The following GABRB3 variants were observed in gnomAD, a reference collection of about 807,000 sequenced individuals.
The protein encoded by GABRB3 is gamma-aminobutyric acid type A receptor subunit beta3.
A neutral mutation model predicts 52.1 loss-of-function variants in GABRB3; 14 were observed. The observed-to-expected ratio is 0.27, with a 90% CI of 0.18 to 0.42. GABRB3 has a LOEUF of 0.42. Ranked by LOEUF, GABRB3 falls within the 10% of genes least tolerant of loss-of-function variation. The pLI is 1.00. For missense variants in GABRB3, 307 were observed against 609.1 expected, an observed-to-expected ratio of 0.50 and a Z score of 5.22; for synonymous variants, 260 against 232.3, an observed-to-expected ratio of 1.12 and a Z score of -1.08.
At chr15:26,741,742 G>A (rs1890213519) in intron 3 of GABRB3, among the ~76,000 whole-genome samples, 1 of 152,044 alleles carries the variant, frequency 6.6e-6, no homozygotes, top group African/African-American at 2.4e-5. Flanking sequence ...CCGAGTAGGT[G>A]AGCCTACAGG....
At chr15:26,713,468 G>A (rs1889367733) in intron 3 of GABRB3, among the ~76,000 whole-genome samples, 1 of 152,088 alleles carries the variant, frequency 6.6e-6, no homozygotes, top group African/African-American at 2.4e-5. Flanking sequence ...TCATCTCTGT[G>A]GGCCCCGAAA....
intron 4 of GABRB3, among the ~76,000 whole-genome samples, chr15:26,597,652 G>T (rs1208594528): frequency 6.6e-6 from 1 of 152,152 alleles, no homozygotes; most frequent in Admixed American, 6.5e-5. Flanking sequence ...GCTAACAAAA[G>T]CCCCAATACA....
intron 3 of GABRB3, among the ~76,000 whole-genome samples, chr15:26,623,256 G>A (rs1245288434): frequency 9.2e-5 from 14 of 152,218 alleles, no homozygotes; most frequent in Non-Finnish European, 2.1e-4. Flanking sequence ...CGATGAGTCA[G>A]GCTAGACCCC....
intron 3 of GABRB3, among the ~76,000 whole-genome samples, chr15:26,659,236 G>A (rs537688341): frequency 6.6e-6 from 1 of 152,290 alleles, no homozygotes; most frequent in East Asian, 1.9e-4. Context: ...TCTAAAACAA[G>A]TTAAGGCTGG....
At chr15:26,688,521 A>C (rs1595531428) in intron 3 of GABRB3, among the ~76,000 whole-genome samples, 1 of 152,256 alleles carries the variant, frequency 6.6e-6, no homozygotes, top group South Asian at 2.1e-4. Context: ...TCAGAGAAGC[A>C]GAGGACTCTT....
intron 3 of GABRB3, among the ~76,000 whole-genome samples, chr15:26,770,193 G>A (rs1418815238): frequency 1.3e-5 from 2 of 152,126 alleles, no homozygotes; most frequent in African/African-American, 2.4e-5. Context: ...GTGGGAGGAA[G>A]ACATTTTAAA....
At chr15:26,583,536 A>C in intron 4 of GABRB3, 122 bp from the exon 5 acceptor site, 1 of 734,864 alleles carries the variant, frequency 1.4e-6, no homozygotes, top group African/African-American at 1.7e-5. Context: ...CTGGCTAAAC[A>C]TCATTCACTA....
rs550092743 is a variant in GABRB3 at position 26,689,969 on chromosome 15, T to C, written c.241-68435A>G. Reference sequence around the variant, plus strand: ...CCAAGAGGGTGTCCATTCAGTCAGCTGGAGGGCTTAGAATTTCATTTTTAT... The same window carrying C: ...CCAAGAGGGTGTCCATTCAGTCAGCCGGAGGGCTTAGAATTTCATTTTTAT... On this transcript the variant is annotated intron_variant, in intron 3 of 8. Transcript: ENST00000311550. 3.3e-5 allele frequency among the ~76,000 whole-genome samples: 5 copies of C among 152,294 alleles called. No individual in the cohort carries two copies. In the South Asian group the frequency reaches 1.0e-3, roughly 32 times the overall value.
chr15:26,641,830 C>T (rs1181595680), intron 3 of GABRB3, among the ~76,000 whole-genome samples: 1 of 151,928 alleles, frequency 6.6e-6, no homozygotes, highest in Non-Finnish European at 1.5e-5. Context: ...GACCCTTGAA[C>T]AACACAGGTT....
At chr15:26,639,490 C>T (rs1053282178) in intron 3 of GABRB3, among the ~76,000 whole-genome samples, 7 of 151,908 alleles carry the variant, frequency 4.6e-5, no homozygotes, top group South Asian at 2.1e-4. Context: ...TTAATGCATA[C>T]GAGAGGATAT....
At chr15:26,732,284 G>GGATGGATA (rs1426791266) in intron 3 of GABRB3, among the ~76,000 whole-genome samples, 4 of 147,252 alleles carry the variant, frequency 2.7e-5, no homozygotes, top group African/African-American at 1.0e-4. Flanking sequence ...ATGAATAGAT[G>GGATGGATA]GATGGATAGA....
At chr15:26,710,648 T>C (rs2140129483) in intron 3 of GABRB3, among the ~76,000 whole-genome samples, 1 of 152,332 alleles carries the variant, frequency 6.6e-6, no homozygotes, top group South Asian at 2.1e-4. Context: ...CCAGAGTGTC[T>C]ACCATTTTAT....
intron 3 of GABRB3, among the ~76,000 whole-genome samples, chr15:26,685,797 G>GT (rs1888384000): frequency 8.3e-6 from 1 of 119,800 alleles, no homozygotes; most frequent in Non-Finnish European, 1.9e-5. Context: ...TAGTAAGATG[G>GT]TCTTTTTTTT....
chr15:26,661,582 G>A (rs1042229324), intron 3 of GABRB3, among the ~76,000 whole-genome samples: 2 of 152,162 alleles, frequency 1.3e-5, no homozygotes, highest in South Asian at 2.1e-4. Context: ...CTGAACTCTG[G>A]AGTGGAGCAC....
chr15:26,729,449 T>C (rs1210692533), intron 3 of GABRB3, among the ~76,000 whole-genome samples: 2 of 151,950 alleles, frequency 1.3e-5, no homozygotes, highest in Non-Finnish European at 2.9e-5. Flanking sequence ...CTCTCCATCA[T>C]CCTCCGCACA....
At chr15:26,615,553 C>T (rs1892223223) in intron 4 of GABRB3, 1 of 658,000 alleles carries the variant, frequency 1.5e-6, no homozygotes, top group Non-Finnish European at 1.9e-6. Context: ...CAAGCATCTG[C>T]GTGAGTGGTC....
At chr15:26,730,104 T>C (rs1287779065) in intron 3 of GABRB3, among the ~76,000 whole-genome samples, 2 of 152,194 alleles carry the variant, frequency 1.3e-5, no homozygotes, top group African/African-American at 2.4e-5. Context: ...AGAAGAAACC[T>C]GGCTTTCAAA....
intron 4 of GABRB3, among the ~76,000 whole-genome samples, chr15:26,600,051 A>G (rs1891531902): frequency 6.6e-6 from 1 of 152,106 alleles, no homozygotes; most frequent in South Asian, 2.1e-4. Context: ...AATAGAAAAG[A>G]ACCAGATACA....
At chr15:26,732,291 T>TGG (rs1889944915) in intron 3 of GABRB3, among the ~76,000 whole-genome samples, 1 of 142,430 alleles carries the variant, frequency 7.0e-6, no homozygotes, top group African/African-American at 2.8e-5. Context: ...GATGGATGGA[T>TGG]AGATGGATGG....
Sources: gnomAD v4.1 joint callset for allele counts (sites outside exome capture counted in the v4.1 genomes callset) on GRCh38, gnomAD v4.1.1 for gene constraint, MANE v1.5 for transcripts, NCBI Gene and HGNC (gene_info 2026-07-23, HGNC 2026-07-21) for gene names.